The following METTL15 variants were observed in gnomAD, a reference collection of about 807,000 sequenced individuals.
METTL15 encodes the protein methyltransferase 15, mitochondrial 12S rRNA N4-cytidine.
A neutral mutation model predicts 38.3 loss-of-function variants in METTL15; 34 were observed. The observed-to-expected ratio is 0.89, with a 90% CI of 0.68 to 1.18. METTL15 has a LOEUF of 1.18. METTL15 is among the 50% of genes most tolerant of loss of function. The pLI, the probability that METTL15 is intolerant of heterozygous loss-of-function variation, is 0.00. For missense variants in METTL15, 438 were observed against 498.4 expected (o/e 0.88, Z 1.15); for synonymous variants, 162 against 170.9 (o/e 0.95, Z 0.41).
At chr11:28,270,212 C>A (rs751445729) in intron 4 of METTL15, among the ~76,000 whole-genome samples, 1 of 151,944 alleles carries the variant, frequency 6.6e-6, no homozygotes, top group Admixed American at 6.6e-5. Context: ...CATTATTTCC[C>A]GTGTTGGCAT....
intron 6 of METTL15, among the ~76,000 whole-genome samples, chr11:28,505,246 T>C (rs922824681): frequency 2.0e-5 from 3 of 152,204 alleles, no homozygotes; most frequent in African/African-American, 7.2e-5. Flanking sequence ...TCTATCACTT[T>C]CATGAAATTC....
chr11:28,417,709 A>C (rs1850785351), intron 5 of METTL15, among the ~76,000 whole-genome samples: 1 of 152,174 alleles, frequency 6.6e-6, no homozygotes, highest in African/African-American at 2.4e-5. Context: ...TAGTATTAGC[A>C]TAATGCCTTT....
chr11:28,431,797 A>G lies in METTL15; in HGVS notation c.*424+7433A>G, dbSNP rs1348408110. On this transcript the variant is annotated intron_variant and NMD_transcript_variant, in intron 6 of 7. Coordinates refer to the METTL15 transcript ENST00000532947. The stretch of plus-strand genomic sequence containing the variant: ...TCAATAAAAAAATAAATTTAAAAAA[A>G]AAAAAAAAAAGAAAAAAAAAAAAAA... Among the ~76,000 whole-genome samples, 14 of 30,208 alleles carry G rather than the reference A, an allele frequency of 4.6e-4. No individual in the cohort carries two copies. The East Asian group carries it at 0.021, about 46-fold the overall frequency. 19.8% of individuals were successfully genotyped at this position (30,208 alleles called of 152,430 possible). A position where few individuals can be genotyped will look rare whatever the true frequency, so the allele number is the denominator to read the frequency against.
chr11:28,123,486 T>G (rs1322729452), intron 3 of METTL15, among the ~76,000 whole-genome samples: 1 of 152,170 alleles, frequency 6.6e-6, no homozygotes, highest in Non-Finnish European at 1.5e-5. Context: ...GGCCTTATGG[T>G]GACTCATCTT....
At chr11:28,388,505 GA>G (rs942023873) in intron 5 of METTL15, among the ~76,000 whole-genome samples, 2 of 152,008 alleles carry the variant, frequency 1.3e-5, no homozygotes, top group African/African-American at 4.8e-5. Context: ...AACCAAGGAA[GA>G]AAAATACTTT....
intron 5 of METTL15, among the ~76,000 whole-genome samples, chr11:28,295,714 A>G (rs942195888): frequency 3.3e-5 from 5 of 152,106 alleles, no homozygotes; most frequent in African/African-American, 1.2e-4. Context: ...AAGACAGCAA[A>G]AAGATTTTCT....
intron 5 of METTL15, among the ~76,000 whole-genome samples, chr11:28,385,356 A>G (rs1850429185): frequency 6.6e-6 from 1 of 152,146 alleles, no homozygotes; most frequent in African/African-American, 2.4e-5. Flanking sequence ...AACCTTCTGC[A>G]TATGGCTAGC....
At position 28,181,674 on chromosome 11, in the gene METTL15, G is replaced by T. The variant is rs531199465; in HGVS notation, c.271-29388G>T. 1.5e-3 allele frequency among the ~76,000 whole-genome samples: 222 copies of T among 151,942 alleles called. 1 individual carries two copies. Among genetic ancestry groups the T allele is most frequent in the African/African-American group, 5.0e-3 (208 of 41,474 alleles). The stretch of plus-strand genomic sequence containing the variant: ...GTCTATCATTGATGGACATTTGGGT[G>T]GGTTCCAGCCTTTGCTAATGTGAAT... On this transcript the variant is annotated intron_variant, in intron 3 of 6. Coordinates refer to ENST00000407364, the MANE Select transcript of METTL15 (RefSeq NM_001113528.2).
intron 5 of METTL15, among the ~76,000 whole-genome samples, chr11:28,408,176 G>C (rs373642341): frequency 1.3e-5 from 2 of 152,058 alleles, no homozygotes; most frequent in Non-Finnish European, 2.9e-5. Context: ...TGGGGTGGGG[G>C]AAACATCATG....
At chr11:28,289,557 A>G (rs1319824689) in intron 4 of METTL15, among the ~76,000 whole-genome samples, 1 of 152,128 alleles carries the variant, frequency 6.6e-6, no homozygotes, top group East Asian at 1.9e-4. Flanking sequence ...TTTGTGTAGG[A>G]AGAAGAATTA....
intron 6 of METTL15, among the ~76,000 whole-genome samples, chr11:28,431,793 AAAAAAAAAAAAAAAG>A (rs1216013912): frequency 1.4e-3 from 37 of 26,586 alleles, no homozygotes; most frequent in East Asian, 0.01. Flanking sequence ...ATAAATTTAA[AAAAAAAAAAAAAAAG>A]AAAAAAAAAA....
chr11:28,122,348 T>TAC (rs1477915822), intron 3 of METTL15, among the ~76,000 whole-genome samples: 5 of 110,756 alleles, frequency 4.5e-5, no homozygotes, highest in African/African-American at 2.1e-4. Flanking sequence ...TGTGTGTGTG[T>TAC]GTGTGTGTGT....
At chr11:28,222,767 A>C (rs1853299803) in intron 4 of METTL15, among the ~76,000 whole-genome samples, 1 of 152,218 alleles carries the variant, frequency 6.6e-6, no homozygotes, top group East Asian at 1.9e-4. Context: ...AATTTTAAAA[A>C]ACCTATGGCA....
chr11:28,294,909 C>G (rs1479702448), intron 5 of METTL15, among the ~76,000 whole-genome samples: 3 of 151,970 alleles, frequency 2.0e-5, no homozygotes, highest in Non-Finnish European at 4.4e-5. Flanking sequence ...CTTATTTTAA[C>G]ATAGAAAAGT....
intron 6 of METTL15, among the ~76,000 whole-genome samples, chr11:28,438,652 T>C (rs1851004458): frequency 6.7e-6 from 1 of 148,810 alleles, no homozygotes; most frequent in South Asian, 2.1e-4. Context: ...ATCACGCTTT[T>C]TTTTTCTTTT....
chr11:28,318,441 CAAG>C (rs1474652377), intron 6 of METTL15, among the ~76,000 whole-genome samples: 1 of 151,896 alleles, frequency 6.6e-6, no homozygotes, highest in East Asian at 1.9e-4. Context: ...ATGTAAAGTA[CAAG>C]AAGAGGGAGG....
chr11:28,229,403 C>A (rs1291599385), intron 4 of METTL15, among the ~76,000 whole-genome samples: 1 of 151,944 alleles, frequency 6.6e-6, no homozygotes. Context: ...TTGTTATAGA[C>A]TTTCTCCCCT....
intron 3 of METTL15, among the ~76,000 whole-genome samples, chr11:28,141,766 A>G (rs1849705907): frequency 6.6e-6 from 1 of 152,238 alleles, no homozygotes; most frequent in Admixed American, 6.5e-5. Context: ...AAGCTAGGGA[A>G]CAATGGCTGG....
Position 28,180,402 on chromosome 11 carries a change from CTG to C in METTL15, c.271-30658_271-30657del, listed in dbSNP as rs1851239851. 7.2e-5 allele frequency among the ~76,000 whole-genome samples: 11 copies of C among 151,946 alleles called. No individual in the cohort carries two copies. In the South Asian group the frequency reaches 2.1e-3, roughly 29 times the overall value. On this transcript the variant is annotated intron_variant, in intron 3 of 6. Transcript: ENST00000407364. Reference sequence around the variant, plus strand: ...AAACTAGAGCTGTCTAAAATATAGTCTGTTTTTATTTATTACTTTTGAAAAAG... The same window carrying C: ...AAACTAGAGCTGTCTAAAATATAGTCTTTTTATTTATTACTTTTGAAAAAG...
Sources: gnomAD v4.1 joint callset for allele counts (sites outside exome capture counted in the v4.1 genomes callset) on GRCh38, gnomAD v4.1.1 for gene constraint, MANE v1.5 for transcripts, NCBI Gene and HGNC (gene_info 2026-07-23, HGNC 2026-07-21) for gene names.